The following RBMS3 variants were observed in gnomAD, a reference collection of about 807,000 sequenced individuals.
RBMS3 encodes RNA binding motif single stranded interacting protein 3.
RBMS3 carries 27 observed loss-of-function variants against 66.8 expected under a neutral mutation model. The observed-to-expected ratio is 0.40, with a 90% CI of 0.30 to 0.56. The LOEUF is 0.56. RBMS3 is among the 20% of genes least tolerant of loss of function. The pLI, the probability that RBMS3 is intolerant of heterozygous loss-of-function variation, is 0.40. For synonymous variants in RBMS3, 188 were observed against 183.0 expected (o/e 1.03, Z -0.22); for missense variants, 513 against 549.5 (o/e 0.93, Z 0.66).
At chr3:29,483,309 C>CAA (rs72225547) in intron 2 of RBMS3, among the ~76,000 whole-genome samples, 4,823 of 75,544 alleles carry the variant, frequency 0.064, 109 homozygotes, top group Admixed American at 0.13. Context: ...TTCGTCTTAA[C>CAA]AAAAAAAAAA....
At chr3:29,529,722 T>C (rs1431187470) in intron 3 of RBMS3, among the ~76,000 whole-genome samples, 3 of 152,166 alleles carry the variant, frequency 2.0e-5, no homozygotes, top group African/African-American at 7.2e-5. Flanking sequence ...AATTCCCTAA[T>C]TGTGCTTTAT....
intron 6 of RBMS3, among the ~76,000 whole-genome samples, chr3:29,853,809 G>C (rs1431592432): frequency 6.6e-6 from 1 of 152,106 alleles, no homozygotes; most frequent in Non-Finnish European, 1.5e-5. Context: ...GTTCTAAACA[G>C]CATCAAGGTT....
intron 12 of RBMS3, among the ~76,000 whole-genome samples, chr3:29,981,195 A>G (rs914671605): frequency 2.0e-5 from 3 of 152,154 alleles, no homozygotes; most frequent in Non-Finnish European, 4.4e-5. Context: ...CTTTGTAGCA[A>G]TTGTGAATAG....
chr3:29,996,071 A>T (rs945827037), intron 14 of RBMS3, among the ~76,000 whole-genome samples: 1 of 152,278 alleles, frequency 6.6e-6, no homozygotes, highest in African/African-American at 2.4e-5. Flanking sequence ...GGATGGAAGA[A>T]GATCTACCAA....
intron 1 of RBMS3, among the ~76,000 whole-genome samples, chr3:29,384,777 G>T (rs150812968): frequency 6.6e-6 from 1 of 152,178 alleles, no homozygotes. Flanking sequence ...AGGCCACTCC[G>T]CATAAAGCAT....
At chr3:29,887,330 C>T (rs1048055984) in intron 8 of RBMS3, among the ~76,000 whole-genome samples, 1 of 151,784 alleles carries the variant, frequency 6.6e-6, no homozygotes, top group African/African-American at 2.4e-5. Flanking sequence ...TTGTCATCCT[C>T]ATAATCCCCA....
At chr3:29,672,735 T>G (rs1420234760) in intron 4 of RBMS3, among the ~76,000 whole-genome samples, 1 of 151,390 alleles carries the variant, frequency 6.6e-6, no homozygotes, top group East Asian at 1.9e-4. Flanking sequence ...AGAAGAGCTA[T>G]GTCTTAATAT....
At chr3:29,506,279 T>A (rs2044177642) in intron 3 of RBMS3, among the ~76,000 whole-genome samples, 1 of 152,006 alleles carries the variant, frequency 6.6e-6, no homozygotes, top group Non-Finnish European at 1.5e-5. Flanking sequence ...TGAGATTTTT[T>A]ATCATGAAAG....
At chr3:29,936,311 C>A in intron 11 of RBMS3, 115 bp downstream of exon 11, 1 of 980,000 alleles carries the variant, frequency 1.0e-6, no homozygotes, top group Non-Finnish European at 1.6e-6. Context: ...TTGACTAACA[C>A]ATCTTTCAGG....
Position 29,899,727 on chromosome 3 carries a change from C to T in RBMS3, c.911C>T (p.Pro304Leu), listed in dbSNP as rs766588105. ...TYQVQSTSWM[P>L]HPPYVMQPTG... is the part of the protein sequence containing the mutation. ...TAGGTCCAGAGTACTTCATGGATGC[C>T]TCATCCGCCATACGTTATGCAACCA... is the stretch of plus-strand genomic sequence containing the variant. Residue 304 changes from proline (P) to leucine (L), a missense_variant, in exon 10 of 15, where the codon CCT (proline) becomes CTT (leucine). Physicochemically the swap from Pro to Leu is moderately conservative, Grantham distance 98. Transcript: ENST00000383767. 3 of 1,609,910 alleles carry T rather than the reference C, an allele frequency of 1.9e-6. No homozygotes were observed. In the Admixed American group the frequency reaches 5.0e-5, roughly 27 times the overall value.
At chr3:29,693,080 T>C (rs2052104809) in intron 4 of RBMS3, among the ~76,000 whole-genome samples, 1 of 152,160 alleles carries the variant, frequency 6.6e-6, no homozygotes, top group Non-Finnish European at 1.5e-5. Context: ...ATAATTTACA[T>C]TGAGACTAAA....
rs1696979430 is a variant in RBMS3, at chr3:29,968,205, CCGTAA to C, written c.1099-19936_1099-19932del. 2.0e-5 allele frequency among the ~76,000 whole-genome samples: 3 copies of C among 152,112 alleles called. No homozygotes were observed. The South Asian group carries it at 6.2e-4, about 32-fold the overall frequency. ...CCACGGCTGCCCACCCGGCCTGCCC[CCGTAA>C]CAGTCTGTTTCCAGGTGGAGGGCGA... On this transcript the variant is annotated intron_variant, in intron 12 of 14. Transcript: ENST00000383767.
rs1386022537 is a variant in RBMS3, at chr3:29,718,005, AC to A, written c.400-21714del. Among the ~76,000 whole-genome samples the A allele has an allele frequency of 2.0e-5, 3 of 152,270 alleles. No individual in the cohort carries two copies. In the East Asian group the frequency reaches 5.8e-4, roughly 29 times the overall value. On this transcript the variant is annotated intron_variant, in intron 4 of 14. Transcript: ENST00000383767. The stretch of plus-strand genomic sequence containing the variant: ...CATGGGAAATGGAAGTCACAGGAGG[AC>A]AATCATAAATGACATTTCTGATTAT...
intron 4 of RBMS3, among the ~76,000 whole-genome samples, chr3:29,695,551 G>A (rs895093534): frequency 6.6e-6 from 1 of 151,810 alleles, no homozygotes; most frequent in African/African-American, 2.4e-5. Flanking sequence ...TATTCTGTTG[G>A]CTTCTCATTT....
intron 4 of RBMS3, among the ~76,000 whole-genome samples, chr3:29,611,502 T>C (rs1242525081): frequency 6.6e-6 from 1 of 151,946 alleles, no homozygotes; most frequent in African/African-American, 2.4e-5. Flanking sequence ...TGGATGAGTT[T>C]GATGTGTATT....
At chr3:29,491,048 A>T (rs1244885135) in intron 3 of RBMS3, among the ~76,000 whole-genome samples, 1 of 152,124 alleles carries the variant, frequency 6.6e-6, no homozygotes, top group Non-Finnish European at 1.5e-5. Flanking sequence ...TCACAGTACA[A>T]CTCTGAAGAC....
chr3:29,923,572 C>T (rs1559804001), intron 10 of RBMS3, among the ~76,000 whole-genome samples: 1 of 151,714 alleles, frequency 6.6e-6, no homozygotes, highest in East Asian at 1.9e-4. Flanking sequence ...TTGCCTATCC[C>T]ATGTGTAATC....
chr3:29,569,322 C>T (rs1341817665), intron 3 of RBMS3, among the ~76,000 whole-genome samples: 1 of 152,002 alleles, frequency 6.6e-6, no homozygotes, highest in East Asian at 1.9e-4. Context: ...CTCTGTAAGT[C>T]ATGAACCTCC....
chr3:29,300,843 G>C (rs1268926457), intron 1 of RBMS3, among the ~76,000 whole-genome samples: 1 of 151,942 alleles, frequency 6.6e-6, no homozygotes, highest in Admixed American at 6.6e-5. Context: ...TTAGTAGAGA[G>C]AGAAGTAACA....
Sources: allele counts gnomAD v4.1 joint callset (sites outside exome capture counted in the v4.1 genomes callset), GRCh38; gene constraint gnomAD v4.1.1; transcripts MANE v1.5; gene names NCBI Gene and HGNC (gene_info 2026-07-23, HGNC 2026-07-21).